CCSER1: variants seen among roughly 807,000 people sequenced by gnomAD.
CCSER1 encodes serine-rich coiled-coil domain-containing protein 1.
Under a neutral mutation model 82.0 loss-of-function variants are expected in CCSER1, and 41 were observed. The observed-to-expected ratio is 0.50, with a 90% CI of 0.39 to 0.65. The LOEUF is 0.65. Ranked by LOEUF, CCSER1 falls within the 30% of genes least tolerant of loss-of-function variation. The pLI, the probability that CCSER1 is intolerant of heterozygous loss-of-function variation, is 0.00. For missense variants in CCSER1, 1,119 were observed against 1,064.2 expected, an observed-to-expected ratio of 1.05 and a Z score of -0.72; for synonymous variants, 414 against 383.9, an observed-to-expected ratio of 1.08 and a Z score of -0.92.
At chr4:90,456,734 G>A (rs147254764) in intron 4 of CCSER1, among the ~76,000 whole-genome samples, 1,821 of 152,302 alleles carry the variant, frequency 0.012, 19 homozygotes, top group Non-Finnish European at 0.018. Flanking sequence ...AGAGAGGCAT[G>A]GCATTTTTCT....
intron 8 of CCSER1, among the ~76,000 whole-genome samples, chr4:90,897,092 A>G (rs112929235): frequency 0.038 from 5,779 of 151,926 alleles, 374 homozygotes; most frequent in African/African-American, 0.13. Context: ...GACCAATTAC[A>G]CTTTTTTTTA....
intron 7 of CCSER1, among the ~76,000 whole-genome samples, chr4:90,762,553 AC>A (rs1750569854): frequency 6.6e-6 from 1 of 152,040 alleles, no homozygotes; most frequent in African/African-American, 2.4e-5. Flanking sequence ...ACCAACCAAA[AC>A]AGTTCTCTAC....
intron 7 of CCSER1, among the ~76,000 whole-genome samples, chr4:90,760,427 TTTACAGC>T (rs1750242403): frequency 6.6e-6 from 1 of 152,054 alleles, no homozygotes; most frequent in African/African-American, 2.4e-5. Flanking sequence ...TTTTAGATCT[TTTACAGC>T]ACTTAATATC....
intron 4 of CCSER1, among the ~76,000 whole-genome samples, chr4:90,444,539 G>A (rs995099964): frequency 7.9e-5 from 12 of 151,982 alleles, no homozygotes; most frequent in Non-Finnish European, 1.5e-5. Flanking sequence ...TGATAAGGAT[G>A]CATTTTGGTT....
At chr4:90,180,072 G>A (rs1270602754) in intron 1 of CCSER1, among the ~76,000 whole-genome samples, 1 of 150,784 alleles carries the variant, frequency 6.6e-6, no homozygotes, top group African/African-American at 2.4e-5. Context: ...ATTTGATTTT[G>A]TAAAACAGGG....
Position 90,815,785 on chromosome 4 carries a change from G to T in CCSER1, c.2034G>T (p.Ser678=), listed in dbSNP as rs373571745. 6.4e-7 allele frequency: 1 copy of T among 1,550,870 alleles called. No homozygotes were observed. The highest frequency in any genetic ancestry group is 1.2e-5 in the South Asian group (1 of 83,972). The stretch of plus-strand genomic sequence containing the variant: ...AGGATATAATGAAAGATGAATGCTC[G>T]ATGCTCAAGCTGCAGCTGAAAGAGA... ...PFKDIMKDEC[S]MLKLQLKEKD... is the part of the protein sequence containing the mutation. Residue 678 remains serine, a synonymous_variant, in exon 8 of 11, where the codon TCG becomes TCT. Transcript: ENST00000509176.
At chr4:90,496,427 C>T (rs1769012377) in intron 5 of CCSER1, among the ~76,000 whole-genome samples, 1 of 152,008 alleles carries the variant, frequency 6.6e-6, no homozygotes, top group Non-Finnish European at 1.5e-5. Flanking sequence ...GGAATTAAAA[C>T]CAAAAAGTTT....
At chr4:91,420,118 A>G (rs1232924058) in intron 10 of CCSER1, among the ~76,000 whole-genome samples, 1 of 152,032 alleles carries the variant, frequency 6.6e-6, no homozygotes, top group Non-Finnish European at 1.5e-5. Context: ...CATAGGGTAA[A>G]CTCTTCTTGA....
chr4:91,356,536 A>AT (rs1292958680), intron 10 of CCSER1, among the ~76,000 whole-genome samples: 18 of 152,042 alleles, frequency 1.2e-4, no homozygotes, highest in Admixed American at 5.9e-4. Context: ...TCTTATTATT[A>AT]TTTTTTTTCC....
intron 7 of CCSER1, chr4:90,781,187 C>G: frequency 2.4e-6 from 2 of 850,990 alleles, no homozygotes; most frequent in South Asian, 1.1e-4. Flanking sequence ...CTGGGGATCA[C>G]AACTCGACAT....
intron 3 of CCSER1, 52 bp downstream of exon 3, chr4:90,313,099 A>G (rs1466391): frequency 0.59 from 798,693 of 1,355,270 alleles, 244,311 homozygotes; most frequent in African/African-American, 0.92. Flanking sequence ...TCTATATCCG[A>G]CATGTTCATG....
At chr4:91,409,040 C>T (rs1489889513) in intron 10 of CCSER1, among the ~76,000 whole-genome samples, 6 of 152,208 alleles carry the variant, frequency 3.9e-5, no homozygotes, top group South Asian at 2.1e-4. Context: ...ATACTCCATT[C>T]GGACAAAGCA....
intron 3 of CCSER1, among the ~76,000 whole-genome samples, chr4:90,391,735 A>G (rs1436462560): frequency 1.3e-5 from 2 of 151,522 alleles, no homozygotes; most frequent in Admixed American, 1.3e-4. Context: ...ATTAGAAGGT[A>G]ATGAAGTACA....
intron 10 of CCSER1, among the ~76,000 whole-genome samples, chr4:91,186,538 G>A (rs185906359): frequency 5.0e-4 from 76 of 152,272 alleles, no homozygotes; most frequent in African/African-American, 1.8e-3. Flanking sequence ...CAGTCAGGGA[G>A]ACCCTAACTC....
At chr4:91,296,146 A>G (rs1744144611) in intron 10 of CCSER1, among the ~76,000 whole-genome samples, 2 of 151,836 alleles carry the variant, frequency 1.3e-5, no homozygotes, top group Non-Finnish European at 2.9e-5. Context: ...AAACAAAGTA[A>G]TCATAAGTGA....
intron 6 of CCSER1, among the ~76,000 whole-genome samples, chr4:90,716,711 A>T (rs1741706444): frequency 6.6e-6 from 1 of 152,148 alleles, no homozygotes; most frequent in Admixed American, 6.6e-5. Context: ...ACGCTAAACC[A>T]TATTGCCTAG....
At chr4:90,802,243 A>C (rs1321272366) in intron 7 of CCSER1, among the ~76,000 whole-genome samples, 1 of 147,918 alleles carries the variant, frequency 6.8e-6, no homozygotes, top group Non-Finnish European at 1.5e-5. Flanking sequence ...AATTACAAAT[A>C]TATAAATATA....
At chr4:91,000,195 CATAGTATAGT>C (rs71596543) in intron 9 of CCSER1, among the ~76,000 whole-genome samples, 248 of 145,936 alleles carry the variant, frequency 1.7e-3, no homozygotes, top group Middle Eastern at 7.1e-3. Context: ...TAGGCTAATG[CATAGTATAGT>C]ATAGTATAGT....
chr4:91,009,908 C>T (rs1013167254), intron 9 of CCSER1, among the ~76,000 whole-genome samples: 3 of 152,084 alleles, frequency 2.0e-5, no homozygotes, highest in Admixed American at 1.3e-4. Context: ...AACATTTATA[C>T]TAAAGATATA....
Sources: gnomAD v4.1 joint callset for allele counts (sites outside exome capture counted in the v4.1 genomes callset) on GRCh38, gnomAD v4.1.1 for gene constraint, MANE v1.5 for transcripts, NCBI Gene and HGNC (gene_info 2026-07-23, HGNC 2026-07-21) for gene names.